Variants in TRNAU1AP observed in about 807,000 individuals in gnomAD.
TRNAU1AP encodes the protein tRNA selenocysteine 1-associated protein 1.
TRNAU1AP carries 33 observed loss-of-function variants against 43.3 expected under a neutral mutation model. That is an observed-to-expected ratio of 0.76 (90% confidence interval 0.58 to 1.02). The LOEUF is 1.02. Among genes scored for constraint, TRNAU1AP ranks in the 50% least tolerant of loss-of-function variants. The pLI is 0.00. For synonymous variants in TRNAU1AP, 143 were observed against 129.1 expected (o/e 1.11, Z -0.73); for missense variants, 290 against 362.7 (o/e 0.80, Z 1.63).
intron 4 of TRNAU1AP, among the ~76,000 whole-genome samples, chr1:28,561,988 C>G (rs1385560082): frequency 1.7e-5 from 2 of 120,764 alleles, no homozygotes; most frequent in African/African-American, 1.1e-4. Context: ...AGGAGGCTCA[C>G]CTGAGCCCAG....
chr1:28,561,399 G>C lies in TRNAU1AP; in HGVS notation c.278+1G>C. ...CTTACGGGAAACAACCAGATAACAG[G>C]TAGGTACAAAGTCATGTCTAGACAG... On this transcript the variant is annotated splice_donor_variant, in intron 4 of 8. Coordinates refer to ENST00000373830, the MANE Select transcript of TRNAU1AP (RefSeq NM_017846.5). LOFTEE classifies it high-confidence loss of function. 6.2e-7 allele frequency: 1 copy of C among 1,614,046 alleles called. No homozygotes were observed. The highest frequency in any genetic ancestry group is 8.5e-7 in the Non-Finnish European group (1 of 1,180,000).
intron 2 of TRNAU1AP, 69 bp downstream of exon 2, chr1:28,553,806 G>A: frequency 1.4e-6 from 2 of 1,387,456 alleles, no homozygotes; most frequent in Non-Finnish European, 2.0e-6. Context: ...TGTAAACATC[G>A]TAGTCATGGC....
Position 28,577,487 on chromosome 1 carries a change from G to T in TRNAU1AP, c.728-13G>T. The stretch of plus-strand genomic sequence containing the variant: ...CCTAGACTTCCCTGACCCCATCCTT[G>T]CTTGCTTTCCAGACCCCATGCCACA... On this transcript the variant is annotated splice_polypyrimidine_tract_variant and intron_variant, in intron 8 of 8. Transcript: ENST00000373830. 6.2e-7 allele frequency: 1 copy of T among 1,611,072 alleles called. No individual in the cohort carries two copies. The highest frequency in any genetic ancestry group is 2.2e-5 in the East Asian group (1 of 44,878).
intron 5 of TRNAU1AP, among the ~76,000 whole-genome samples, 184 bp from the exon 6 acceptor site, chr1:28,567,108 CTA>C (rs1665558709): frequency 6.6e-6 from 1 of 152,178 alleles, no homozygotes; most frequent in Non-Finnish European, 1.5e-5. Context: ...GATCTTGACA[CTA>C]TGTGGACACC....
In TRNAU1AP at chr1:28,577,269, G is replaced by A. The variant is rs1665810557; in HGVS notation, c.728-231G>A. On this transcript the variant is annotated intron_variant, in intron 8 of 8. Transcript: ENST00000373830. ...AGGATACATGATGGCTAGAGACACA[G>A]GTGTAGCTTTTAATAGATGCAGGCT... 2.0e-5 allele frequency among the ~76,000 whole-genome samples: 3 copies of A among 152,172 alleles called. No individual in the cohort carries two copies. In the South Asian group the frequency reaches 6.2e-4, roughly 32 times the overall value.
chr1:28,571,842 AC>A, intron 7 of TRNAU1AP, 24 bp from the exon 8 acceptor site: 1 of 1,586,588 alleles, frequency 6.3e-7, no homozygotes, highest in Non-Finnish European at 8.6e-7. Flanking sequence ...CATGCCCCTA[AC>A]CCACATCTCT....
At chr1:28,573,214 A>C (rs1665699989) in intron 8 of TRNAU1AP, among the ~76,000 whole-genome samples, 5 of 150,734 alleles carry the variant, frequency 3.3e-5, no homozygotes, top group African/African-American at 1.2e-4. Flanking sequence ...TTGTATTCTT[A>C]GTAGAGACGG....
intron 4 of TRNAU1AP, among the ~76,000 whole-genome samples, chr1:28,563,392 AC>A (rs1665458368): frequency 6.6e-6 from 1 of 152,030 alleles, no homozygotes; most frequent in Admixed American, 6.6e-5. Context: ...TACTAAAAAT[AC>A]AAAAATTGGC....
chr1:28,573,443 A>G (rs1252749171), intron 8 of TRNAU1AP, among the ~76,000 whole-genome samples: 1 of 151,502 alleles, frequency 6.6e-6, no homozygotes. Context: ...GATCGAGACC[A>G]TCTTGGCCAA....
chr1:28,557,959 G>A (rs1665311214), intron 2 of TRNAU1AP, among the ~76,000 whole-genome samples: 1 of 149,140 alleles, frequency 6.7e-6, no homozygotes, highest in South Asian at 2.1e-4. Flanking sequence ...GCAGTGGAAT[G>A]ATCTCGACTC....
intron 5 of TRNAU1AP, among the ~76,000 whole-genome samples, chr1:28,566,009 A>C (rs892807409): frequency 6.6e-6 from 1 of 152,056 alleles, no homozygotes; most frequent in African/African-American, 2.4e-5. Context: ...GTTTGATTAG[A>C]TCACCCTGAG....
chr1:28,576,238 C>T (rs957549464), intron 8 of TRNAU1AP, among the ~76,000 whole-genome samples: 14 of 151,092 alleles, frequency 9.3e-5, no homozygotes, highest in Admixed American at 3.3e-4. Flanking sequence ...ACTGCAGCCT[C>T]GACCTCCTAG....
rs372099045 is a variant in TRNAU1AP at position 28,577,534 on chromosome 1, C to G, written c.762C>G (p.Asn254Lys). 1.2e-5 allele frequency: 19 copies of G among 1,613,946 alleles called. No individual in the cohort carries two copies. Among genetic ancestry groups the G allele is most frequent in the Middle Eastern group, 1.6e-4 (1 of 6,082 alleles). ...CACAGCTGGATGTGACTGAGGCCAA[C>G]AAGGAGTTCATGGAACAGAGTGAGG... ...PMPQLDVTEA[N>K]KEFMEQSEEL... is the part of the protein sequence containing the mutation. Residue 254 changes from asparagine to lysine, a missense_variant, in exon 9 of 9, where the codon AAC becomes AAG. Physicochemically the swap from Asn to Lys is moderately conservative, Grantham distance 94. Transcript: ENST00000373830.
intron 2 of TRNAU1AP, among the ~76,000 whole-genome samples, chr1:28,559,814 A>G (rs530666328): frequency 6.6e-6 from 1 of 152,258 alleles, no homozygotes; most frequent in East Asian, 1.9e-4. Flanking sequence ...CACACATGAT[A>G]AAATGCATAA....
At chr1:28,571,452 G>A in intron 7 of TRNAU1AP, 114 bp downstream of exon 7, 1 of 1,129,142 alleles carries the variant, frequency 8.9e-7, no homozygotes, top group Non-Finnish European at 1.3e-6. Context: ...GAAAAAATAG[G>A]GAAAGTTGAA....
chr1:28,557,540 T>C (rs1018355628), intron 2 of TRNAU1AP, among the ~76,000 whole-genome samples: 5 of 151,662 alleles, frequency 3.3e-5, no homozygotes, highest in African/African-American at 1.2e-4. Context: ...TACATATTAT[T>C]TTTCCTTGGG....
chr1:28,562,655 A>G (rs192852136), intron 4 of TRNAU1AP, among the ~76,000 whole-genome samples: 3 of 149,516 alleles, frequency 2.0e-5, no homozygotes, highest in East Asian at 2.0e-4. Context: ...ATCTCTGCTC[A>G]CTGCAAGCTC....
At chr1:28,561,272 C>T (rs1457490100) in intron 3 of TRNAU1AP, 74 bp from the exon 4 acceptor site, 2 of 1,591,980 alleles carry the variant, frequency 1.3e-6, no homozygotes, top group East Asian at 2.3e-5. Context: ...TAATTTATTT[C>T]AGTTTTCTTC....
chr1:28,571,349 C>G lies in TRNAU1AP; in HGVS notation c.693+11C>G. ...CAGAGCACCATGCAGGTAACCATGACTTGGCAAGACTGGTCCCCTTGGGTT... is the reference window on the plus strand; with the variant it reads ...CAGAGCACCATGCAGGTAACCATGAGTTGGCAAGACTGGTCCCCTTGGGTT... On this transcript the variant is annotated intron_variant, in intron 7 of 8. Transcript: ENST00000373830. 1 of 1,613,658 alleles carries G rather than the reference C, an allele frequency of 6.2e-7. No individual in the cohort carries two copies. Among genetic ancestry groups the G allele is most frequent in the Non-Finnish European group, 8.5e-7 (1 of 1,179,690 alleles).
Sources: allele counts gnomAD v4.1 joint callset (sites outside exome capture counted in the v4.1 genomes callset), GRCh38; gene constraint gnomAD v4.1.1; transcripts MANE v1.5; gene names NCBI Gene and HGNC (gene_info 2026-07-23, HGNC 2026-07-21).